MARCHF8: variants seen among roughly 807,000 people sequenced by gnomAD.
MARCHF8 encodes membrane associated ring-CH-type finger 8, also known as E3 ubiquitin-protein ligase MARCHF8.
A neutral mutation model predicts 51.6 loss-of-function variants in MARCHF8; 40 were observed. The ratio of observed to expected loss-of-function variants is 0.77; its 90% CI spans 0.60 to 1.01. MARCHF8 has a LOEUF of 1.01. Ranked by LOEUF, MARCHF8 falls within the 50% of genes least tolerant of loss-of-function variation. MARCHF8 has a pLI of 0.00. For missense variants in MARCHF8, 685 were observed against 708.6 expected (o/e 0.97, Z 0.38); for synonymous variants, 263 against 280.3 (o/e 0.94, Z 0.62).
At chr10:45,476,351 G>A (rs1170531289) in intron 3 of MARCHF8, among the ~76,000 whole-genome samples, 1 of 152,160 alleles carries the variant, frequency 6.6e-6, no homozygotes, top group African/African-American at 2.4e-5. Flanking sequence ...ATTGCTTGAG[G>A]CTAGGAGTTC....
At chr10:45,591,797 T>G (rs1482388765) in intron 1 of MARCHF8, among the ~76,000 whole-genome samples, 2 of 152,170 alleles carry the variant, frequency 1.3e-5, no homozygotes, top group African/African-American at 2.4e-5. Context: ...AAGTGTATGC[T>G]TTGTAGAACT....
intron 1 of MARCHF8, among the ~76,000 whole-genome samples, chr10:45,533,902 G>T (rs2043930786): frequency 6.6e-6 from 1 of 152,174 alleles, no homozygotes; most frequent in Non-Finnish European, 1.5e-5. Context: ...CATGTAAATG[G>T]GCCGGGTGCG....
chr10:45,462,470 G>A (rs1045559987), intron 5 of MARCHF8, among the ~76,000 whole-genome samples: 1 of 152,178 alleles, frequency 6.6e-6, no homozygotes, highest in Non-Finnish European at 1.5e-5. Flanking sequence ...GAGGCTGGGA[G>A]ATGCAACAAT....
At chr10:45,511,910 T>G (rs1283574321) in intron 2 of MARCHF8, among the ~76,000 whole-genome samples, 1 of 146,314 alleles carries the variant, frequency 6.8e-6, no homozygotes, top group Non-Finnish European at 1.5e-5. Context: ...GGCTGCCCAG[T>G]CTGGAAAGTG....
chr10:45,535,943 T>C (rs1008149795), upstream of MARCHF8, among the ~76,000 whole-genome samples: 1 of 152,222 alleles, frequency 6.6e-6, no homozygotes, highest in African/African-American at 2.4e-5. Context: ...TCCATGTTCA[T>C]GGATCAGAAG....
At position 45,572,692 on chromosome 10, in the gene MARCHF8, G is replaced by A. The variant is rs138439570; in HGVS notation, c.-79+21543C>T. Among the ~76,000 whole-genome samples, 323 of 151,740 alleles carry A rather than the reference G, an allele frequency of 2.1e-3. 10 individuals carry two copies. In the East Asian group the frequency reaches 0.05, roughly 23 times the overall value. ...CCCAAATCTTCCTTCTTTCCCTCCC[G>A]CCTGTCCCTTCAGTCCCAACCCCAA... On this transcript the variant is annotated intron_variant, in intron 1 of 6. Transcript: ENST00000319836.
chr10:45,587,537 T>C (rs76934034), intron 1 of MARCHF8, among the ~76,000 whole-genome samples: 8,621 of 152,210 alleles, frequency 0.057, 382 homozygotes, highest in Non-Finnish European at 0.086. Flanking sequence ...ACAATCCCAA[T>C]TGAAACCACA....
At chr10:45,495,630 A>G (rs893058647) in intron 2 of MARCHF8, among the ~76,000 whole-genome samples, 1 of 152,030 alleles carries the variant, frequency 6.6e-6, no homozygotes, top group Non-Finnish European at 1.5e-5. Context: ...ATCAAGAGTA[A>G]ACGTACCATA....
At chr10:45,459,358 C>T (rs1037672512) in intron 6 of MARCHF8, 91 bp from the exon 7 acceptor site, 3 of 1,380,504 alleles carry the variant, frequency 2.2e-6, no homozygotes, top group Non-Finnish European at 2.9e-6. Context: ...ATTGGCTTTC[C>T]ACCCCACTTC....
At chr10:45,548,920 G>A (rs1257777447) in intron 1 of MARCHF8, among the ~76,000 whole-genome samples, 6 of 151,678 alleles carry the variant, frequency 4.0e-5, no homozygotes, top group Non-Finnish European at 7.4e-5. Flanking sequence ...GCTTGAACCT[G>A]GGAAGTGGAG....
intron 2 of MARCHF8, among the ~76,000 whole-genome samples, chr10:45,522,831 T>C (rs1302005214): frequency 6.6e-6 from 1 of 152,182 alleles, no homozygotes; most frequent in African/African-American, 2.4e-5. Flanking sequence ...GTTCATTCCC[T>C]ATGCAAAAGT....
chr10:45,462,707 C>T (rs1030273055), intron 5 of MARCHF8, among the ~76,000 whole-genome samples: 2 of 151,584 alleles, frequency 1.3e-5, no homozygotes, highest in Non-Finnish European at 2.9e-5. Flanking sequence ...CTCACTGCAA[C>T]CTCCGCCTCC....
chr10:45,488,338 A>T (rs969730081), intron 3 of MARCHF8, among the ~76,000 whole-genome samples: 13 of 152,128 alleles, frequency 8.5e-5, no homozygotes, highest in Non-Finnish European at 1.5e-4. Flanking sequence ...CAGACCTGTT[A>T]ATCCTTGATC....
chr10:45,556,502 G>A (rs2044253137), intron 1 of MARCHF8, among the ~76,000 whole-genome samples: 3 of 152,142 alleles, frequency 2.0e-5, no homozygotes, highest in African/African-American at 4.8e-5. Context: ...GGCGGTTCAC[G>A]GTATTCTTCC....
At chr10:45,536,954 T>G (rs1346212982), upstream of MARCHF8, among the ~76,000 whole-genome samples, 1 of 151,678 alleles carries the variant, frequency 6.6e-6, no homozygotes, top group African/African-American at 2.4e-5. Flanking sequence ...TCAAAACTAT[T>G]AGATATTACT....
At chr10:45,498,677 T>C (rs2133128976) in intron 2 of MARCHF8, among the ~76,000 whole-genome samples, 1 of 152,356 alleles carries the variant, frequency 6.6e-6, no homozygotes, top group Admixed American at 6.5e-5. Context: ...CATTTCACCA[T>C]GTTGGCCAGG....
intron 3 of MARCHF8, among the ~76,000 whole-genome samples, chr10:45,488,636 C>T (rs2043027927): frequency 6.6e-6 from 1 of 152,170 alleles, no homozygotes; most frequent in African/African-American, 2.4e-5. Flanking sequence ...GGCAATCACT[C>T]CCTGGCGCCA....
intron 2 of MARCHF8, among the ~76,000 whole-genome samples, chr10:45,510,443 T>C (rs2043476884): frequency 6.6e-6 from 1 of 152,138 alleles, no homozygotes; most frequent in Non-Finnish European, 1.5e-5. Flanking sequence ...TAAAGTACCA[T>C]TTTACAAGAA....
chr10:45,550,616 C>T (rs767591947), intron 1 of MARCHF8, among the ~76,000 whole-genome samples: 9 of 152,154 alleles, frequency 5.9e-5, no homozygotes, highest in Non-Finnish European at 1.2e-4. Flanking sequence ...ACTCACCTTA[C>T]CCCCTGACCA....
Sources: allele counts gnomAD v4.1 joint callset (sites outside exome capture counted in the v4.1 genomes callset), GRCh38; gene constraint gnomAD v4.1.1; transcripts MANE v1.5; gene names NCBI Gene and HGNC (gene_info 2026-07-23, HGNC 2026-07-21).